Variants in CRB1 observed in about 807,000 individuals in gnomAD.
The protein encoded by CRB1 is protein crumbs homolog 1.
In CRB1, 83 loss-of-function variants were observed where a neutral mutation model predicts 120.0. The observed-to-expected ratio is 0.69, with a 90% CI of 0.58 to 0.83. The LOEUF is 0.83. Ranked by LOEUF, CRB1 falls within the 40% of genes least tolerant of loss-of-function variation. The probability of loss-of-function intolerance (pLI) is 0.00; values close to 1 mark genes in which losing one functional copy is unlikely to be tolerated. For missense variants in CRB1, 1,699 were observed against 1,687.6 expected (o/e 1.01, Z -0.12); for synonymous variants, 625 against 612.5 (o/e 1.02, Z -0.30).
intron 11 of CRB1, among the ~76,000 whole-genome samples, chr1:197,461,049 C>G (rs999941172): frequency 6.6e-6 from 1 of 152,086 alleles, no homozygotes; most frequent in Non-Finnish European, 1.5e-5. Flanking sequence ...TCACAGCTGG[C>G]AATATGTAAA....
At chr1:197,247,950 T>C in the CRB1 span, among the ~76,000 whole-genome samples, 1 of 152,046 alleles carries the variant, frequency 6.6e-6, no homozygotes, top group African/African-American at 2.4e-5. Flanking sequence ...AACATAGATA[T>C]AGTATACTCT....
chr1:197,259,951 A>G, the CRB1 span, among the ~76,000 whole-genome samples: 2 of 151,402 alleles, frequency 1.3e-5, no homozygotes, highest in African/African-American at 4.9e-5. Flanking sequence ...GAAGTTAAAG[A>G]CCAGCCTAGG....
chr1:197,379,970 A>G (rs542227022), intron 5 of CRB1, among the ~76,000 whole-genome samples: 1 of 152,324 alleles, frequency 6.6e-6, no homozygotes, highest in East Asian at 1.9e-4. Flanking sequence ...GCACTTTTTC[A>G]TGAGAAAGTT....
Position 197,347,410 on chromosome 1 carries a change from T to C in CRB1, c.919T>C (p.Ser307Pro), listed in dbSNP as rs1472201173. ...TGAGACCTTGATGCCTCTTTGTTGGTCAAAACCTTGTCACAATAATGCTAC... is the reference window on the plus strand; with the variant it reads ...TGAGACCTTGATGCCTCTTTGTTGGCCAAAACCTTGTCACAATAATGCTAC... Reference protein sequence around the residue: ...HCETLMPLCWSKPCHNNATCE... With the variant: ...HCETLMPLCWPKPCHNNATCE... The change falls in exon 4 of 12, where the codon TCA becomes CCA. Residue 307 changes from serine to proline, a missense_variant. Physicochemically the swap from Ser to Pro is moderately conservative, Grantham distance 74 (BLOSUM62 -1). Coordinates refer to ENST00000367400, the MANE Select transcript of CRB1 (RefSeq NM_201253.3). 1 of 1,614,138 alleles carries C rather than the reference T, an allele frequency of 6.2e-7. No individual in the cohort carries two copies. Among genetic ancestry groups the C allele is most frequent in the South Asian group, 1.1e-5 (1 of 91,084 alleles).
intron 11 of CRB1, among the ~76,000 whole-genome samples, chr1:197,448,588 C>G (rs1161946800): frequency 6.6e-6 from 1 of 152,236 alleles, no homozygotes; most frequent in Non-Finnish European, 1.5e-5. Context: ...ACAGCTGCCA[C>G]AGCTCTTCCC....
intron 11 of CRB1, among the ~76,000 whole-genome samples, chr1:197,445,464 T>C (rs1294972515): frequency 6.6e-6 from 1 of 152,218 alleles, no homozygotes; most frequent in East Asian, 1.9e-4. Context: ...ACTTACTCTA[T>C]GCCAGGAACT....
rs994565447 is a variant in CRB1, at chr1:197,305,813, C to A, written c.71-22609C>A. Among the ~76,000 whole-genome samples the A allele has an allele frequency of 1.3e-4, 19 of 150,412 alleles. 1 individual carries two copies. Among genetic ancestry groups the A allele is most frequent in the South Asian group, 6.3e-4 (3 of 4,794 alleles). On this transcript the variant is annotated intron_variant, in intron 1 of 11. Transcript: ENST00000367400. ...AAGGAGTTCTTGCAATTCCTCTATTCTTTATATTTTAAAGAATGTAATACA... is the reference window on the plus strand; with the variant it reads ...AAGGAGTTCTTGCAATTCCTCTATTATTTATATTTTAAAGAATGTAATACA...
At chr1:197,307,440 T>C (rs1657238925) in intron 1 of CRB1, among the ~76,000 whole-genome samples, 1 of 152,172 alleles carries the variant, frequency 6.6e-6, no homozygotes, top group Admixed American at 6.5e-5. Flanking sequence ...GCTTTTGGGA[T>C]GATACAAAGG....
chr1:197,372,477 T>G (rs1661420177), intron 5 of CRB1, among the ~76,000 whole-genome samples: 1 of 152,230 alleles, frequency 6.6e-6, no homozygotes. Context: ...TAAAATTGAT[T>G]TATACCTTTG....
At chr1:197,364,916 G>T (rs2125370144) in intron 5 of CRB1, among the ~76,000 whole-genome samples, 1 of 152,070 alleles carries the variant, frequency 6.6e-6, no homozygotes, top group Non-Finnish European at 1.5e-5. Context: ...TTCAAGTTAT[G>T]GTTTTACTGA....
upstream of CRB1, among the ~76,000 whole-genome samples, chr1:197,264,613 CTTTT>C (rs750805262): frequency 2.3e-5 from 3 of 131,040 alleles, no homozygotes; most frequent in African/African-American, 2.8e-5. Context: ...GTGCATTCTT[CTTTT>C]TTTTTTTTTT....
chr1:197,227,654 G>C, the CRB1 span, among the ~76,000 whole-genome samples: 1 of 152,190 alleles, frequency 6.6e-6, no homozygotes, highest in Non-Finnish European at 1.5e-5. Flanking sequence ...CATGGTACAA[G>C]CTGTCAGTGG....
intron 11 of CRB1, among the ~76,000 whole-genome samples, chr1:197,453,539 T>TAGAGAGAG (rs1181738570): frequency 5.1e-5 from 3 of 58,512 alleles, no homozygotes; most frequent in African/African-American, 1.2e-4. Flanking sequence ...TATATATATA[T>TAGAGAGAG]AGAGAGAGAG....
chr1:197,330,476 T>A (rs545284758), intron 2 of CRB1, among the ~76,000 whole-genome samples: 1 of 152,200 alleles, frequency 6.6e-6, no homozygotes, highest in African/African-American at 2.4e-5. Flanking sequence ...CCCATGACAG[T>A]GGCCATGTCC....
chr1:197,245,586 A>G, the CRB1 span, among the ~76,000 whole-genome samples: 1 of 152,220 alleles, frequency 6.6e-6, no homozygotes, highest in African/African-American at 2.4e-5. Context: ...TGGTGTTGAC[A>G]TCTACTGATT....
intron 1 of CRB1, among the ~76,000 whole-genome samples, chr1:197,280,662 T>C (rs1263828576): frequency 6.6e-6 from 1 of 151,904 alleles, no homozygotes; most frequent in African/African-American, 2.4e-5. Flanking sequence ...TTACAGATTG[T>C]CACAAAAATA....
intron 1 of CRB1, among the ~76,000 whole-genome samples, chr1:197,282,118 A>G (rs1037333337): frequency 6.6e-6 from 1 of 151,788 alleles, no homozygotes; most frequent in African/African-American, 2.4e-5. Context: ...GTAAGAAATC[A>G]TAATCATTCC....
At chr1:197,446,222 TTAGGATGTAAC>T (rs1195109772) in intron 11 of CRB1, among the ~76,000 whole-genome samples, 2 of 151,928 alleles carry the variant, frequency 1.3e-5, no homozygotes, top group East Asian at 1.9e-4. Flanking sequence ...ACAAATAGTC[TTAGGATGTAAC>T]TAGGATGTAA....
intron 1 of CRB1, among the ~76,000 whole-genome samples, chr1:197,317,744 G>A (rs561658263): frequency 2.6e-5 from 4 of 152,302 alleles, no homozygotes; most frequent in South Asian, 4.1e-4. Context: ...AGACAATGGG[G>A]AAAGGACAGC....
Sources: allele counts gnomAD v4.1 joint callset (sites outside exome capture counted in the v4.1 genomes callset), GRCh38; gene constraint gnomAD v4.1.1; transcripts MANE v1.5; gene names NCBI Gene and HGNC (gene_info 2026-07-23, HGNC 2026-07-21).